The following MTUS2 variants were observed in gnomAD, a reference collection of about 807,000 sequenced individuals.
MTUS2 encodes the protein microtubule associated scaffold protein 2, also known as microtubule-associated tumor suppressor candidate 2.
In MTUS2, 40 loss-of-function variants were observed where a neutral mutation model predicts 114.1. That is an observed-to-expected ratio of 0.35 (90% CI 0.27 to 0.46). The LOEUF is 0.46. Among genes scored for constraint, MTUS2 ranks in the 20% least tolerant of loss-of-function variants. MTUS2 has a pLI of 1.00. For missense variants in MTUS2, 1,679 were observed against 1,705.4 expected (o/e 0.98, Z 0.27); for synonymous variants, 688 against 672.0 (o/e 1.02, Z -0.37).
At chr13:28,980,208 T>C (rs1314130875) in intron 2 of MTUS2, among the ~76,000 whole-genome samples, 1 of 152,264 alleles carries the variant, frequency 6.6e-6, no homozygotes, top group Non-Finnish European at 1.5e-5. Context: ...ATAGAGTCCA[T>C]GCATTAAACT....
intron 8 of MTUS2, among the ~76,000 whole-genome samples, chr13:29,424,406 A>G (rs1244256960): frequency 6.6e-6 from 1 of 152,224 alleles, no homozygotes; most frequent in East Asian, 1.9e-4. Flanking sequence ...TTTTTTATAT[A>G]AAAATTCCAT....
intron 4 of MTUS2, among the ~76,000 whole-genome samples, chr13:29,099,566 G>A (rs1890322773): frequency 1.3e-5 from 2 of 152,076 alleles, no homozygotes; most frequent in South Asian, 2.1e-4. Flanking sequence ...ATTTATAGAC[G>A]TGGAATTTTT....
At chr13:29,156,322 A>G (rs1274507502) in intron 5 of MTUS2, among the ~76,000 whole-genome samples, 1 of 152,190 alleles carries the variant, frequency 6.6e-6, no homozygotes, top group Non-Finnish European at 1.5e-5. Flanking sequence ...GTCAGTATAG[A>G]TCCAAACACT....
chr13:29,476,031 C>T (rs918477590), intron 9 of MTUS2, among the ~76,000 whole-genome samples: 3 of 152,122 alleles, frequency 2.0e-5, no homozygotes, highest in East Asian at 1.9e-4. Flanking sequence ...GCAGGTGTAC[C>T]GTTTTTTATC....
intron 10 of MTUS2, among the ~76,000 whole-genome samples, chr13:29,481,766 T>C (rs1881201980): frequency 6.6e-6 from 1 of 152,166 alleles, no homozygotes; most frequent in African/African-American, 2.4e-5. Context: ...TTCTACACAG[T>C]ATCTCAGGTT....
At chr13:28,873,204 T>G (rs1877725532) in intron 2 of MTUS2, among the ~76,000 whole-genome samples, 1 of 152,198 alleles carries the variant, frequency 6.6e-6, no homozygotes, top group Non-Finnish European at 1.5e-5. Context: ...ATAATATATT[T>G]CGGTGACACA....
chr13:29,235,815 A>T (rs1896514869), intron 5 of MTUS2, among the ~76,000 whole-genome samples: 1 of 152,134 alleles, frequency 6.6e-6, no homozygotes. Flanking sequence ...ATTCTTTATG[A>T]TTCACTCATG....
intron 7 of MTUS2, among the ~76,000 whole-genome samples, chr13:29,351,668 T>G (rs1869293728): frequency 6.6e-6 from 1 of 151,998 alleles, no homozygotes; most frequent in Non-Finnish European, 1.5e-5. Context: ...CAGTGCATGA[T>G]GTCAGCTCAC....
intron 9 of MTUS2, among the ~76,000 whole-genome samples, 165 bp downstream of exon 9, chr13:29,440,214 G>A (rs139576215): frequency 2.0e-5 from 3 of 152,270 alleles, no homozygotes; most frequent in Admixed American, 6.5e-5. Context: ...GCCTTAGCGG[G>A]GAACCATAAT....
chr13:28,835,548 G>A (rs937020819), intron 1 of MTUS2, among the ~76,000 whole-genome samples: 3 of 152,158 alleles, frequency 2.0e-5, no homozygotes, highest in African/African-American at 7.2e-5. Context: ...TTTGGGGGGT[G>A]ATGAAAATGT....
chr13:29,281,551 G>C (rs1358951883), intron 5 of MTUS2, among the ~76,000 whole-genome samples, 153 bp from the exon 6 acceptor site: 1 of 152,028 alleles, frequency 6.6e-6, no homozygotes, highest in Non-Finnish European at 1.5e-5. Context: ...TCCACATAGG[G>C]TTCCAGAAAA....
chr13:29,216,238 C>T (rs1483823987), intron 5 of MTUS2, among the ~76,000 whole-genome samples: 1 of 152,170 alleles, frequency 6.6e-6, no homozygotes, highest in Non-Finnish European at 1.5e-5. Flanking sequence ...TCATCAAGCT[C>T]GAGTGTCCCA....
At position 28,956,058 on chromosome 13, in the gene MTUS2, C is replaced by T. The variant is rs531473232; in HGVS notation, c.-242-68399C>T. Among the ~76,000 whole-genome samples, 90 of 147,288 alleles carry T rather than the reference C, an allele frequency of 6.1e-4. 1 individual carries two copies. Among genetic ancestry groups the T allele is most frequent in the Non-Finnish European group, 9.7e-4 (65 of 66,956 alleles). ...ATTTGTAGTCTTCTGTCTCTTGCCC[C>T]CCCCCATCCTTTCCCCCAAGTCCCC... On this transcript the variant is annotated intron_variant, in intron 2 of 15. Transcript: ENST00000612955.
At chr13:29,243,046 T>G (rs1593212570) in intron 5 of MTUS2, among the ~76,000 whole-genome samples, 1 of 152,260 alleles carries the variant, frequency 6.6e-6, no homozygotes, top group South Asian at 2.1e-4. Flanking sequence ...AAAGAGAGTT[T>G]GAGACAGATC....
At chr13:29,275,184 A>G (rs2139516723) in intron 5 of MTUS2, among the ~76,000 whole-genome samples, 1 of 152,192 alleles carries the variant, frequency 6.6e-6, no homozygotes, top group South Asian at 2.1e-4. Flanking sequence ...ACTTCTTCTT[A>G]AGTTTTATTG....
rs538993436 is a variant in MTUS2 at position 29,480,229 on chromosome 13, G to C, written c.3264G>C (p.Arg1088Ser). 2.6e-6 allele frequency: 4 copies of C among 1,554,182 alleles called. No homozygotes were observed. The highest frequency in any genetic ancestry group is 2.4e-5 in the East Asian group (1 of 41,200). ...LERRFEDEVK[R>S]LGWQQQAELQ... ...GGCGGTTCGAGGACGAGGTGAAGAG[G>C]CTGGGCTGGCAGCAGCAGGCCGAGC... Residue 1088 changes from arginine (R) to serine (S), a missense_variant, in exon 10 of 16, where the codon AGG (arginine) becomes AGC (serine). By Grantham distance (110) the Arg-to-Ser change is moderately radical. This residue lies in a region of MTUS2 where 822 missense variants were observed against 899.7 expected (regional missense o/e 0.91). Transcript: ENST00000612955. This position sits in a 1 kb window ranked among gnomAD's most constrained non-coding sequence, Gnocchi z 4.4.
At chr13:29,381,960 A>G (rs1872245535) in intron 8 of MTUS2, among the ~76,000 whole-genome samples, 1 of 152,214 alleles carries the variant, frequency 6.6e-6, no homozygotes. Flanking sequence ...AGAAATAATC[A>G]TTGCGTGTCT....
intron 8 of MTUS2, among the ~76,000 whole-genome samples, chr13:29,421,168 TTC>T (rs1164107243): frequency 1.3e-5 from 2 of 152,160 alleles, no homozygotes; most frequent in African/African-American, 2.4e-5. Flanking sequence ...GTTTAAAAAT[TTC>T]TGTTTTCTAT....
intron 4 of MTUS2, among the ~76,000 whole-genome samples, chr13:29,058,710 C>A (rs1297006881): frequency 1.6e-5 from 2 of 126,832 alleles, no homozygotes; most frequent in Non-Finnish European, 3.2e-5. Flanking sequence ...CTATCCCTCC[C>A]CCCTCCCCCC....
Sources: allele counts gnomAD v4.1 joint callset (sites outside exome capture counted in the v4.1 genomes callset), GRCh38; gene constraint gnomAD v4.1.1; regional missense constraint gnomAD v4.1.1; non-coding constraint Gnocchi (gnomAD v3.1); transcripts MANE v1.5; gene names NCBI Gene and HGNC (gene_info 2026-07-23, HGNC 2026-07-21).